MAN1A2: variants seen among roughly 807,000 people sequenced by gnomAD.
MAN1A2 encodes mannosyl-oligosaccharide 1,2-alpha-mannosidase IB.
A neutral mutation model predicts 75.7 loss-of-function variants in MAN1A2; 26 were observed. The ratio of observed to expected loss-of-function variants is 0.34; its 90% CI spans 0.25 to 0.48. MAN1A2 has a LOEUF of 0.48. Among genes scored for constraint, MAN1A2 ranks in the 20% least tolerant of loss-of-function variants. The pLI, the probability that MAN1A2 is intolerant of heterozygous loss-of-function variation, is 0.99. For synonymous variants in MAN1A2, 247 were observed against 264.6 expected (o/e 0.93, Z 0.65); for missense variants, 562 against 775.5 (o/e 0.72, Z 3.27).
chr1:117,433,876 C>T (rs143454580), intron 5 of MAN1A2, among the ~76,000 whole-genome samples: 1 of 152,274 alleles, frequency 6.6e-6, no homozygotes, highest in African/African-American at 2.4e-5. Context: ...CTTCCCCTTA[C>T]CTAACCTAAT....
chr1:117,459,308 A>T (rs189215783), intron 6 of MAN1A2, among the ~76,000 whole-genome samples: 3 of 152,326 alleles, frequency 2.0e-5, no homozygotes, highest in Admixed American at 1.3e-4. Context: ...TGGTGATTCC[A>T]TAACCACATA....
At chr1:117,370,101 T>G (rs1027760498) in intron 1 of MAN1A2, among the ~76,000 whole-genome samples, 1 of 152,254 alleles carries the variant, frequency 6.6e-6, no homozygotes, top group African/African-American at 2.4e-5. Context: ...AATACAGATA[T>G]GTGCCTTTTA....
chr1:117,444,774 ACTCTT>A (rs907989160), intron 6 of MAN1A2, among the ~76,000 whole-genome samples: 3 of 151,128 alleles, frequency 2.0e-5, no homozygotes, highest in African/African-American at 7.3e-5. Context: ...TCCTCTCTCT[ACTCTT>A]CTGTTGGTCT....
At chr1:117,416,806 G>C (rs965610760) in intron 4 of MAN1A2, among the ~76,000 whole-genome samples, 2 of 152,122 alleles carry the variant, frequency 1.3e-5, no homozygotes, top group African/African-American at 2.4e-5. Flanking sequence ...AGGTGTTACT[G>C]GTACCTCAGG....
At chr1:117,400,105 C>T (rs1211295437) in intron 1 of MAN1A2, among the ~76,000 whole-genome samples, 1 of 152,088 alleles carries the variant, frequency 6.6e-6, no homozygotes. Flanking sequence ...GTCGCCTGAA[C>T]AGATCAGCCC....
chr1:117,425,864 A>G (rs527954443), intron 5 of MAN1A2, among the ~76,000 whole-genome samples: 1 of 152,344 alleles, frequency 6.6e-6, no homozygotes, highest in Admixed American at 6.5e-5. Context: ...ACTATTAAAA[A>G]TAAAAGAAAT....
Position 117,523,604 on chromosome 1 carries a change from A to T in MAN1A2, c.*647A>T. On this transcript the variant is annotated 3_prime_UTR_variant, in exon 13 of 13. Transcript: ENST00000356554. Reference sequence around the variant, plus strand: ...CATTGAAATTTCTTGGTTAAGTTTAATTTTCTCTGGGGGCATGATCTCACA... The same window carrying T: ...CATTGAAATTTCTTGGTTAAGTTTATTTTTCTCTGGGGGCATGATCTCACA... The T allele has an allele frequency of 5.7e-6, 1 of 175,940 alleles. No individual in the cohort carries two copies. Among genetic ancestry groups the T allele is most frequent in the Non-Finnish European group, 1.2e-5 (1 of 82,268 alleles). The allele number at this position is 175,940 out of a possible 1,614,324, so 10.9% of individuals were successfully genotyped here. A position where few individuals can be genotyped will look rare whatever the true frequency, so the allele number is the denominator to read the frequency against.
intron 7 of MAN1A2, 78 bp from the exon 8 acceptor site, chr1:117,466,256 A>G: frequency 1.1e-6 from 1 of 927,724 alleles, no homozygotes; most frequent in Non-Finnish European, 1.6e-6. Context: ...AGTAAGAAAA[A>G]ACACAAAGCC....
intron 5 of MAN1A2, among the ~76,000 whole-genome samples, chr1:117,423,126 C>T (rs1265204256): frequency 6.6e-6 from 1 of 151,978 alleles, no homozygotes; most frequent in Non-Finnish European, 1.5e-5. Context: ...TACTTTTTTC[C>T]ATATGGATGT....
intron 3 of MAN1A2, among the ~76,000 whole-genome samples, chr1:117,413,114 G>C (rs1647875987): frequency 6.6e-6 from 1 of 151,996 alleles, no homozygotes; most frequent in East Asian, 1.9e-4. Context: ...TAAATGGCTT[G>C]ATACCATTTT....
In MAN1A2 at chr1:117,460,734, T is replaced by C; in HGVS notation, c.1074+122T>C. ...ATATATGTTTATTAGGGCTGTAGCC[T>C]TTATTTTTTCTTTTGAAGTTACTCA... On this transcript the variant is annotated intron_variant, in intron 7 of 12. Coordinates refer to ENST00000356554, the MANE Select transcript of MAN1A2 (RefSeq NM_006699.5). The C allele has an allele frequency of 4.2e-6, 5 of 1,183,226 alleles. No homozygotes were observed. In the South Asian group the frequency reaches 1.1e-4, roughly 26 times the overall value. The allele number at this position is 1,183,226 out of a possible 1,614,324, so 73.3% of individuals were successfully genotyped here. A position where few individuals can be genotyped will look rare whatever the true frequency, so the allele number is the denominator to read the frequency against.
chr1:117,503,537 G>A (rs1374797341), intron 12 of MAN1A2, among the ~76,000 whole-genome samples: 2 of 151,606 alleles, frequency 1.3e-5, no homozygotes, highest in Non-Finnish European at 3.0e-5. Context: ...ACCCCAGGTA[G>A]AGGTCTCTGT....
intron 1 of MAN1A2, among the ~76,000 whole-genome samples, chr1:117,382,774 G>A (rs140926383): frequency 0.016 from 2,471 of 152,226 alleles, 74 homozygotes; most frequent in African/African-American, 0.056. Flanking sequence ...ACCTTGGGCA[G>A]TATGGCCATT....
At chr1:117,401,852 C>G (rs187149408) in intron 1 of MAN1A2, among the ~76,000 whole-genome samples, 278 of 152,120 alleles carry the variant, frequency 1.8e-3, no homozygotes, top group African/African-American at 6.5e-3. Flanking sequence ...TGTCTCTTCT[C>G]TGTTACTTAT....
chr1:117,396,523 C>T (rs1653909384), intron 1 of MAN1A2, among the ~76,000 whole-genome samples: 1 of 152,112 alleles, frequency 6.6e-6, no homozygotes, highest in Admixed American at 6.5e-5. Flanking sequence ...ATAAAACCCC[C>T]AGCTGGAGTA....
At chr1:117,465,324 A>G (rs190131166) in intron 7 of MAN1A2, among the ~76,000 whole-genome samples, 1 of 152,326 alleles carries the variant, frequency 6.6e-6, no homozygotes, top group Non-Finnish European at 1.5e-5. Flanking sequence ...CTCACCTTTT[A>G]TAACATCATT....
chr1:117,503,656 C>T (rs1651267393), intron 12 of MAN1A2, among the ~76,000 whole-genome samples: 1 of 151,474 alleles, frequency 6.6e-6, no homozygotes, highest in African/African-American at 2.4e-5. Context: ...GTATTTCTTG[C>T]ATATCTGTAC....
intron 12 of MAN1A2, among the ~76,000 whole-genome samples, chr1:117,505,372 A>G (rs1257473539): frequency 6.6e-6 from 1 of 151,350 alleles, no homozygotes. Flanking sequence ...TCTAGTACCT[A>G]TATGGAATAT....
At chr1:117,405,997 GGGA>G (rs1383665426) in intron 3 of MAN1A2, among the ~76,000 whole-genome samples, 1 of 151,982 alleles carries the variant, frequency 6.6e-6, no homozygotes, top group Non-Finnish European at 1.5e-5. Flanking sequence ...AGAGGAAGAG[GGGA>G]GGGATAGGAA....
Sources: gnomAD v4.1 joint callset for allele counts (sites outside exome capture counted in the v4.1 genomes callset) on GRCh38, gnomAD v4.1.1 for gene constraint, MANE v1.5 for transcripts, NCBI Gene and HGNC (gene_info 2026-07-23, HGNC 2026-07-21) for gene names.